The following SEMA6A variants were observed in gnomAD, a reference collection of about 807,000 sequenced individuals.
SEMA6A encodes the protein semaphorin-6A.
SEMA6A carries 25 observed loss-of-function variants against 96.8 expected under a neutral mutation model. The ratio of observed to expected loss-of-function variants is 0.26; its 90% CI spans 0.19 to 0.36. SEMA6A has a LOEUF of 0.36. SEMA6A is among the 10% of genes least tolerant of loss of function. SEMA6A has a pLI of 1.00. For missense variants in SEMA6A, 1,363 were observed against 1,323.1 expected, an observed-to-expected ratio of 1.03 and a Z score of -0.47; for synonymous variants, 612 against 518.0, an observed-to-expected ratio of 1.18 and a Z score of -2.46.
chr5:116,482,702 A>AAT, intron 10 of SEMA6A, 127 bp from the exon 11 acceptor site: 1 of 836,728 alleles, frequency 1.2e-6, no homozygotes, highest in Non-Finnish European at 1.8e-6. Context: ...GGACACTATA[A>AAT]ATATAAGGGA....
chr5:116,529,217 T>C (rs1759358957), intron 1 of SEMA6A, among the ~76,000 whole-genome samples: 11 of 151,934 alleles, frequency 7.2e-5, no homozygotes, highest in Admixed American at 7.2e-4. Flanking sequence ...TATAAGAGAG[T>C]GTTGAATTAC....
In SEMA6A at chr5:116,446,565, C is replaced by CA; in HGVS notation, c.*47dup. 6.3e-6 allele frequency: 9 copies of CA among 1,426,742 alleles called. No homozygotes were observed. Among genetic ancestry groups the CA allele is most frequent in the Non-Finnish European group, 8.4e-6 (9 of 1,075,828 alleles). The allele number at this position is 1,426,742 out of a possible 1,614,324, so 88.4% of individuals were successfully genotyped here. ...TGAGAACCTTGCTGAGCTGAGCGGG[C>CA]ACCTCGCCTTGCCTGCTGGTTCGAC... is the stretch of plus-strand genomic sequence containing the variant. On this transcript the variant is annotated 3_prime_UTR_variant, in exon 19 of 19. Transcript: ENST00000343348.
chr5:116,503,890 T>G (rs986233013), intron 2 of SEMA6A, among the ~76,000 whole-genome samples: 9 of 152,162 alleles, frequency 5.9e-5, no homozygotes, highest in African/African-American at 2.2e-4. Flanking sequence ...GTTTATTAAG[T>G]TTGGAACCTT....
chr5:116,493,644 G>C (rs1026857933), intron 6 of SEMA6A, among the ~76,000 whole-genome samples: 1 of 152,104 alleles, frequency 6.6e-6, no homozygotes, highest in Non-Finnish European at 1.5e-5. Context: ...TAAGATGGAA[G>C]ATAAGTATGA....
chr5:116,497,246 T>C, intron 4 of SEMA6A, 81 bp downstream of exon 4: 1 of 814,906 alleles, frequency 1.2e-6, no homozygotes, highest in Non-Finnish European at 2.0e-6. Flanking sequence ...TACATCATCT[T>C]AATGCACTTA....
Position 116,446,486 on chromosome 5 carries a change from A to AGC in SEMA6A, c.*125_*126dup. The AGC allele has an allele frequency of 1.3e-6, 1 of 791,104 alleles. No individual in the cohort carries two copies. The allele number at this position is 791,104 out of a possible 1,614,324, so 49.0% of individuals were successfully genotyped here. ...CCCTGTGTCCCAGAGAGGAGGACCC[A>AGC]GCGTCCTCGGCTCTGCCGCAGGCCT... On this transcript the variant is annotated 3_prime_UTR_variant, in exon 19 of 19. Coordinates refer to ENST00000343348, the MANE Select transcript of SEMA6A (RefSeq NM_020796.5).
At chr5:116,459,504 C>T (rs1206889638) in intron 18 of SEMA6A, among the ~76,000 whole-genome samples, 2 of 152,134 alleles carry the variant, frequency 1.3e-5, no homozygotes, top group African/African-American at 4.8e-5. Flanking sequence ...ATTTCAATCT[C>T]ATTTCCCATT....
intron 6 of SEMA6A, among the ~76,000 whole-genome samples, chr5:116,492,076 A>T (rs1757356077): frequency 6.6e-6 from 1 of 152,092 alleles, no homozygotes; most frequent in Non-Finnish European, 1.5e-5. Context: ...CACCCAGCAC[A>T]TTTTTTTATG....
rs188196110 is a variant in SEMA6A, at chr5:116,505,076, A to G, written c.-38-94T>C. The G allele has an allele frequency of 4.3e-3, 2,674 of 622,912 alleles. 9 individuals are homozygous for G. Among genetic ancestry groups the G allele is most frequent in the Non-Finnish European group, 6.4e-3 (2,272 of 357,318 alleles). The allele number at this position is 622,912 out of a possible 1,614,324, so 38.6% of individuals were successfully genotyped here. A position where few individuals can be genotyped will look rare whatever the true frequency, so the allele number is the denominator to read the frequency against. ...TGAAAGATAAATTCGAGAGAAAAAAAGGCTTCTGCTTTACATCTTCTACAT... is the reference window on the plus strand; with the variant it reads ...TGAAAGATAAATTCGAGAGAAAAAAGGGCTTCTGCTTTACATCTTCTACAT... On this transcript the variant is annotated intron_variant, in intron 1 of 18. Coordinates refer to ENST00000343348, the MANE Select transcript of SEMA6A (RefSeq NM_020796.5).
In SEMA6A at chr5:116,445,275, T is replaced by A. The variant is rs1299019559; in HGVS notation, c.*1338A>T. 1 of 152,464 alleles carries A rather than the reference T, an allele frequency of 6.6e-6. No individual in the cohort carries two copies. The highest frequency in any genetic ancestry group is 1.5e-5 in the Non-Finnish European group (1 of 68,018). The allele number at this position is 152,464 out of a possible 1,614,324, so 9.4% of individuals were successfully genotyped here. Reference sequence around the variant, plus strand: ...AGGGGGAACAGTTGATCATAAAGAGTTTACAAGTGTACACAACTCAAGGTG... The same window carrying A: ...AGGGGGAACAGTTGATCATAAAGAGATTACAAGTGTACACAACTCAAGGTG... On this transcript the variant is annotated 3_prime_UTR_variant, in exon 19 of 19. Coordinates refer to ENST00000343348, the MANE Select transcript of SEMA6A (RefSeq NM_020796.5).
chr5:116,513,850 A>C (rs11737961), intron 1 of SEMA6A, among the ~76,000 whole-genome samples: 3,743 of 152,042 alleles, frequency 0.025, 60 homozygotes, highest in Middle Eastern at 0.041. Flanking sequence ...CTCATCATTT[A>C]GCTCCCACTT....
intron 6 of SEMA6A, among the ~76,000 whole-genome samples, chr5:116,494,606 C>T (rs1193236662): frequency 1.3e-5 from 2 of 152,192 alleles, no homozygotes; most frequent in Non-Finnish European, 2.9e-5. Flanking sequence ...CATGATGTCA[C>T]CATGGCAGCA....
rs1195286574 is a variant in SEMA6A, at chr5:116,445,639, C to G, written c.*974G>C. ...TTTTGCATGTTTATAGGCCAGAGACCTGACCAGGCAATGAACTGATAGATT... is the reference window on the plus strand; with the variant it reads ...TTTTGCATGTTTATAGGCCAGAGACGTGACCAGGCAATGAACTGATAGATT... On this transcript the variant is annotated 3_prime_UTR_variant, in exon 19 of 19. Transcript: ENST00000343348. The G allele has an allele frequency of 6.6e-6, 1 of 152,476 alleles. No individual in the cohort carries two copies. Among genetic ancestry groups the G allele is most frequent in the Non-Finnish European group, 1.5e-5 (1 of 68,036 alleles). The allele number at this position is 152,476 out of a possible 1,614,324, so 9.4% of individuals were successfully genotyped here. A position where few individuals can be genotyped will look rare whatever the true frequency, so the allele number is the denominator to read the frequency against.
intron 17 of SEMA6A, chr5:116,468,333 T>A (rs1755898304): frequency 6.6e-6 from 1 of 152,302 alleles, no homozygotes; most frequent in South Asian, 2.1e-4. Context: ...TCACAGGCAT[T>A]CCTCTTTCTG....
At chr5:116,547,594 A>C (rs1760235103) in intron 1 of SEMA6A, among the ~76,000 whole-genome samples, 3 of 152,058 alleles carry the variant, frequency 2.0e-5, no homozygotes, top group Admixed American at 2.0e-4. Flanking sequence ...TGTTTTATCT[A>C]TTAAGGAAGC....
At chr5:116,474,905 A>T (rs1208361815) in intron 16 of SEMA6A, among the ~76,000 whole-genome samples, 1 of 152,226 alleles carries the variant, frequency 6.6e-6, no homozygotes, top group Non-Finnish European at 1.5e-5. Flanking sequence ...GTCACATGAC[A>T]ACTGGGCAGA....
chr5:116,517,013 C>G lies in SEMA6A; in HGVS notation c.-38-12031G>C, dbSNP rs148883209. On this transcript the variant is annotated intron_variant, in intron 1 of 18. Coordinates refer to ENST00000343348, the MANE Select transcript of SEMA6A (RefSeq NM_020796.5). The stretch of plus-strand genomic sequence containing the variant: ...TTTGCTATCCCCTGTTTCTCTAGAT[C>G]TGGATGAGGCCAAGTTCATTTCAGG... Among the ~76,000 whole-genome samples, 778 of 152,232 alleles carry G rather than the reference C, an allele frequency of 5.1e-3. 5 individuals are homozygous for G. Among genetic ancestry groups the G allele is most frequent in the African/African-American group, 0.018 (768 of 41,534 alleles).
chr5:116,573,446 G>A (rs1580533741), intron 1 of SEMA6A, among the ~76,000 whole-genome samples: 1 of 152,168 alleles, frequency 6.6e-6, no homozygotes, highest in Admixed American at 6.5e-5. Context: ...GGGAGCTGCG[G>A]CGGGGGACAG....
At chr5:116,466,208 TAA>T (rs11322633) in intron 18 of SEMA6A, among the ~76,000 whole-genome samples, 21 of 146,422 alleles carry the variant, frequency 1.4e-4, no homozygotes, top group Admixed American at 1.4e-4. Context: ...CTGTCACTAC[TAA>T]AAAAAAAAAA....
Sources: allele counts gnomAD v4.1 joint callset (sites outside exome capture counted in the v4.1 genomes callset), GRCh38; gene constraint gnomAD v4.1.1; transcripts MANE v1.5; gene names NCBI Gene and HGNC (gene_info 2026-07-23, HGNC 2026-07-21).